Variants in HNF4G observed in about 807,000 individuals in gnomAD.
HNF4G encodes hepatocyte nuclear factor 4-gamma.
In HNF4G, 21 loss-of-function variants were observed where a neutral mutation model predicts 50.9. The ratio of observed to expected loss-of-function variants is 0.41; its 90% CI spans 0.29 to 0.59. The LOEUF (loss-of-function observed/expected upper bound fraction) is 0.59. HNF4G is among the 20% of genes least tolerant of loss of function. HNF4G has a pLI of 0.26. For missense variants in HNF4G, 527 were observed against 559.4 expected (o/e 0.94, Z 0.58); for synonymous variants, 198 against 185.6 (o/e 1.07, Z -0.54).
At chr8:75,494,695 TG>T (rs1812724269) in intron 2 of HNF4G, among the ~76,000 whole-genome samples, 1 of 152,058 alleles carries the variant, frequency 6.6e-6, no homozygotes, top group African/African-American at 2.4e-5. Context: ...TTTTTTTGAA[TG>T]AATGAATGGT....
intron 2 of HNF4G, among the ~76,000 whole-genome samples, chr8:75,534,204 T>C (rs966151574): frequency 3.3e-5 from 5 of 152,040 alleles, no homozygotes; most frequent in Admixed American, 2.0e-4. Context: ...ATAATACCCA[T>C]TGTAAAAACG....
At chr8:75,444,729 C>T (rs1563509274) in intron 1 of HNF4G, among the ~76,000 whole-genome samples, 1 of 89,266 alleles carries the variant, frequency 1.1e-5, no homozygotes, top group Non-Finnish European at 2.2e-5. Context: ...GAAGAGCTAA[C>T]TATCCTAAAT....
intron 2 of HNF4G, among the ~76,000 whole-genome samples, chr8:75,517,891 A>G (rs2130739018): frequency 6.6e-6 from 1 of 152,046 alleles, no homozygotes; most frequent in Middle Eastern, 3.4e-3. Flanking sequence ...GTTCTCCATG[A>G]GGGTTCCTCC....
chr8:75,508,658 A>C (rs1354696901), intron 2 of HNF4G, among the ~76,000 whole-genome samples: 1 of 152,206 alleles, frequency 6.6e-6, no homozygotes, highest in Non-Finnish European at 1.5e-5. Context: ...ATAACAATTG[A>C]TCTTTACATT....
intron 4 of HNF4G, among the ~76,000 whole-genome samples, chr8:75,552,182 G>T (rs1806979845): frequency 6.6e-6 from 1 of 152,032 alleles, no homozygotes; most frequent in Admixed American, 6.6e-5. Context: ...GTCCTATAAT[G>T]AGTCAGTGCA....
intron 2 of HNF4G, among the ~76,000 whole-genome samples, chr8:75,500,546 T>C (rs1453511630): frequency 1.3e-5 from 2 of 152,160 alleles, no homozygotes; most frequent in Non-Finnish European, 1.5e-5. Flanking sequence ...AAAATACATG[T>C]TCATATGAAA....
At chr8:75,482,816 C>T (rs1452808413) in intron 1 of HNF4G, among the ~76,000 whole-genome samples, 1 of 152,166 alleles carries the variant, frequency 6.6e-6, no homozygotes, top group Non-Finnish European at 1.5e-5. Context: ...TGAATTTTAA[C>T]CTGTAAACAC....
intron 1 of HNF4G, among the ~76,000 whole-genome samples, chr8:75,473,569 G>A (rs951928274): frequency 6.6e-6 from 1 of 152,192 alleles, no homozygotes; most frequent in Non-Finnish European, 1.5e-5. Context: ...GTGAAATCAA[G>A]TCTATCCAGG....
rs550904621 is a variant in HNF4G, at chr8:75,412,228, C to T, written c.-144+4066C>T. On this transcript the variant is annotated intron_variant, in intron 1 of 10. Coordinates refer to the HNF4G transcript ENST00000354370. ...TCAGCTAAGCAGTGTAGAGAAAAAT[C>T]ACACCAAGTATAGTTCCATGGCTGG... 2.6e-5 allele frequency among the ~76,000 whole-genome samples: 4 copies of T among 152,314 alleles called. No individual in the cohort carries two copies. The South Asian group carries it at 8.3e-4, about 32-fold the overall frequency.
chr8:75,472,834 C>G (rs1293780111), intron 1 of HNF4G, among the ~76,000 whole-genome samples: 2 of 152,062 alleles, frequency 1.3e-5, no homozygotes, highest in South Asian at 2.1e-4. Flanking sequence ...AGAGAAGTGC[C>G]TGGTTTCCTA....
chr8:75,482,593 C>A (rs559824593), intron 1 of HNF4G, among the ~76,000 whole-genome samples: 74 of 152,298 alleles, frequency 4.9e-4, no homozygotes, highest in African/African-American at 1.8e-3. Flanking sequence ...GTCTTGAACT[C>A]CTGACCTCAG....
chr8:75,421,628 C>T (rs183602613), intron 1 of HNF4G, among the ~76,000 whole-genome samples: 6 of 152,290 alleles, frequency 3.9e-5, no homozygotes, highest in East Asian at 1.9e-4. Context: ...GCAGTTTACA[C>T]GGAAATTGCA....
At chr8:75,411,951 T>G (rs530761277) in intron 1 of HNF4G, among the ~76,000 whole-genome samples, 2 of 152,310 alleles carry the variant, frequency 1.3e-5, no homozygotes, top group African/African-American at 4.8e-5. Flanking sequence ...GAGTACCAGG[T>G]ATGTGTTCTG....
chr8:75,554,088 GA>G (rs1300347660), intron 5 of HNF4G, among the ~76,000 whole-genome samples: 5 of 150,324 alleles, frequency 3.3e-5, no homozygotes, highest in South Asian at 4.2e-4. Context: ...CTGGTGACAG[GA>G]AAAAAAAATA....
At chr8:75,468,523 G>A (rs937994624) in intron 1 of HNF4G, among the ~76,000 whole-genome samples, 4 of 151,976 alleles carry the variant, frequency 2.6e-5, no homozygotes, top group Non-Finnish European at 4.4e-5. Flanking sequence ...TTGAAACCCC[G>A]TCTCTACTGA....
intron 2 of HNF4G, among the ~76,000 whole-genome samples, chr8:75,491,038 A>G (rs1170795086): frequency 1.3e-5 from 2 of 152,148 alleles, no homozygotes; most frequent in South Asian, 2.1e-4. Context: ...CTCAAAATTC[A>G]TTAGTTTGTG....
intron 1 of HNF4G, among the ~76,000 whole-genome samples, chr8:75,448,658 G>A (rs1811493618): frequency 6.6e-6 from 1 of 151,724 alleles, no homozygotes; most frequent in Admixed American, 6.6e-5. Flanking sequence ...AATATTCATT[G>A]GGAATGAAAA....
intron 1 of HNF4G, among the ~76,000 whole-genome samples, chr8:75,425,598 A>G (rs1219922129): frequency 6.8e-6 from 1 of 147,920 alleles, no homozygotes; most frequent in Non-Finnish European, 1.5e-5. Flanking sequence ...TATATATATT[A>G]TATATTTTTT....
intron 5 of HNF4G, among the ~76,000 whole-genome samples, chr8:75,555,385 G>C (rs1337602122): frequency 1.3e-5 from 2 of 152,166 alleles, no homozygotes. Flanking sequence ...GCAGGTAATT[G>C]AGTGTACGAA....
Sources: gnomAD v4.1 joint callset for allele counts (sites outside exome capture counted in the v4.1 genomes callset) on GRCh38, gnomAD v4.1.1 for gene constraint, MANE v1.5 for transcripts, NCBI Gene and HGNC (gene_info 2026-07-23, HGNC 2026-07-21) for gene names.